The following TMEM132B variants were observed in gnomAD, a reference collection of about 807,000 sequenced individuals.
TMEM132B encodes the protein transmembrane protein 132B.
In TMEM132B, 18 loss-of-function variants were observed where a neutral mutation model predicts 90.8. The observed-to-expected ratio is 0.20, with a 90% CI of 0.14 to 0.29. The LOEUF is 0.29. TMEM132B is among the 10% of genes least tolerant of loss of function. TMEM132B has a pLI of 1.00. For synonymous variants in TMEM132B, 504 were observed against 523.3 expected, an observed-to-expected ratio of 0.96 and a Z score of 0.50; for missense variants, 1,096 against 1,326.8, an observed-to-expected ratio of 0.83 and a Z score of 2.70.
intron 1 of TMEM132B, among the ~76,000 whole-genome samples, chr12:125,259,163 C>T (rs1395574315): frequency 6.6e-6 from 1 of 152,180 alleles, no homozygotes. Flanking sequence ...GTTTTATTAT[C>T]TCTTCTGCAT....
rs76939885 is a variant in TMEM132B at position 125,247,621 on chromosome 12, C to T, written c.67+60755C>T. ...GAGATAACATCCTGGCCAATCAGAG[C>T]ACAGCCTTCCTATTGGCCAATCAGA... On this transcript the variant is annotated intron_variant, in intron 1 of 8. Transcript: ENST00000682704. Among the ~76,000 whole-genome samples, 40 of 152,318 alleles carry T rather than the reference C, an allele frequency of 2.6e-4. No homozygotes were observed. In the East Asian group the frequency reaches 7.3e-3, roughly 28 times the overall value.
At chr12:125,637,670 G>T (rs1886518947) in intron 5 of TMEM132B, among the ~76,000 whole-genome samples, 1 of 152,188 alleles carries the variant, frequency 6.6e-6, no homozygotes, top group South Asian at 2.1e-4. Flanking sequence ...AAAGCAACCA[G>T]GGAAAAGAGC....
chr12:125,529,565 C>T (rs1883589059), intron 4 of TMEM132B, among the ~76,000 whole-genome samples: 4 of 152,148 alleles, frequency 2.6e-5, no homozygotes, highest in Admixed American at 1.3e-4. Context: ...CTTTGCTGGT[C>T]GCTGGGATTC....
intron 4 of TMEM132B, among the ~76,000 whole-genome samples, chr12:125,539,258 A>C (rs887980146): frequency 6.6e-6 from 1 of 151,536 alleles, no homozygotes; most frequent in African/African-American, 2.4e-5. Flanking sequence ...TCCCTTTCCT[A>C]TACTTTCTGG....
At position 125,496,476 on chromosome 12, in the gene TMEM132B, T is replaced by G. The variant is rs374381317; in HGVS notation, c.1107-22963T>G. Among the ~76,000 whole-genome samples, 13 of 152,288 alleles carry G rather than the reference T, an allele frequency of 8.5e-5. No individual in the cohort carries two copies. In the East Asian group the frequency reaches 1.9e-3, roughly 23 times the overall value. On this transcript the variant is annotated intron_variant, in intron 3 of 8. Transcript: ENST00000682704. ...TATCATAAAATACCACATCTCTATCTCATGATAGGCTTTAATGCTCAGACA... is the reference window on the plus strand; with the variant it reads ...TATCATAAAATACCACATCTCTATCGCATGATAGGCTTTAATGCTCAGACA...
intron 2 of TMEM132B, among the ~76,000 whole-genome samples, chr12:125,359,403 T>C (rs1032149556): frequency 1.3e-5 from 2 of 152,194 alleles, no homozygotes; most frequent in African/African-American, 2.4e-5. Flanking sequence ...TAATCTATAA[T>C]ATTCTTATAA....
intron 1 of TMEM132B, among the ~76,000 whole-genome samples, chr12:125,303,209 T>C (rs1008507426): frequency 1.3e-5 from 2 of 152,220 alleles, no homozygotes; most frequent in African/African-American, 4.8e-5. Context: ...TAACTTTGCC[T>C]ATTCTAGATA....
At chr12:125,572,745 A>C (rs1884831158) in intron 4 of TMEM132B, among the ~76,000 whole-genome samples, 1 of 152,206 alleles carries the variant, frequency 6.6e-6, no homozygotes, top group Non-Finnish European at 1.5e-5. Context: ...GCCTGAAACA[A>C]TTATAGTAAT....
chr12:125,222,804 C>T (rs979299187), intron 1 of TMEM132B, among the ~76,000 whole-genome samples: 1 of 152,176 alleles, frequency 6.6e-6, no homozygotes, highest in Admixed American at 6.5e-5. Context: ...AGTGTGACAA[C>T]CAAAAATGTC....
intron 2 of TMEM132B, among the ~76,000 whole-genome samples, chr12:125,387,547 G>A (rs1014341341): frequency 6.6e-6 from 1 of 152,168 alleles, no homozygotes; most frequent in African/African-American, 2.4e-5. Context: ...CCCTCCTTCT[G>A]TAGGTTGAAA....
chr12:125,291,104 A>G (rs998714253), intron 1 of TMEM132B, among the ~76,000 whole-genome samples: 1 of 152,186 alleles, frequency 6.6e-6, no homozygotes, highest in African/African-American at 2.4e-5. Context: ...ATTAGATCAT[A>G]AGGGTGAACC....
At chr12:125,293,199 C>T (rs116237796) in intron 1 of TMEM132B, among the ~76,000 whole-genome samples, 72 of 152,338 alleles carry the variant, frequency 4.7e-4, no homozygotes, top group African/African-American at 1.6e-3. Context: ...TCCCTGTTCA[C>T]CTGTGGTTGC....
At chr12:125,573,466 A>G (rs1268816699) in intron 4 of TMEM132B, among the ~76,000 whole-genome samples, 2 of 152,182 alleles carry the variant, frequency 1.3e-5, no homozygotes, top group Admixed American at 6.5e-5. Context: ...GCTAACCCAT[A>G]CTGCTGTGGA....
chr12:125,234,585 G>A (rs754373231), intron 1 of TMEM132B, among the ~76,000 whole-genome samples: 3 of 152,174 alleles, frequency 2.0e-5, no homozygotes, highest in Non-Finnish European at 4.4e-5. Flanking sequence ...GTCCCTTCAG[G>A]TTCTGAGCCT....
chr12:125,270,959 T>TC (rs1874823216), intron 1 of TMEM132B, among the ~76,000 whole-genome samples: 1 of 151,430 alleles, frequency 6.6e-6, no homozygotes, highest in Admixed American at 6.6e-5. Context: ...TTTTTTTTTT[T>TC]TTCCCGAAAG....
intron 5 of TMEM132B, among the ~76,000 whole-genome samples, chr12:125,630,478 G>T (rs1278503531): frequency 6.6e-6 from 1 of 151,952 alleles, no homozygotes; most frequent in Non-Finnish European, 1.5e-5. Flanking sequence ...AGTATCAGTT[G>T]TAATGTCTGC....
intron 1 of TMEM132B, among the ~76,000 whole-genome samples, chr12:125,288,455 T>A (rs1593070367): frequency 2.4e-5 from 2 of 81,878 alleles, no homozygotes; most frequent in Admixed American, 1.7e-4. Flanking sequence ...AGAGCAAGAC[T>A]CCATCTCAAA....
intron 3 of TMEM132B, among the ~76,000 whole-genome samples, chr12:125,446,056 A>T (rs2136438182): frequency 6.6e-6 from 1 of 152,324 alleles, no homozygotes; most frequent in South Asian, 2.1e-4. Context: ...GCCCCCGCCA[A>T]GTTGTTCCTT....
At chr12:125,268,948 A>G (rs900185073) in intron 1 of TMEM132B, among the ~76,000 whole-genome samples, 53 of 152,178 alleles carry the variant, frequency 3.5e-4, no homozygotes, top group African/African-American at 1.2e-3. Flanking sequence ...CCATGCTGCT[A>G]GTTTTTGATC....
Sources: gnomAD v4.1 joint callset for allele counts (sites outside exome capture counted in the v4.1 genomes callset) on GRCh38, gnomAD v4.1.1 for gene constraint, MANE v1.5 for transcripts, NCBI Gene and HGNC (gene_info 2026-07-23, HGNC 2026-07-21) for gene names.